Variants in ADAMTSL1 observed in about 807,000 individuals in gnomAD.
ADAMTSL1 encodes the protein ADAMTS-like protein 1.
ADAMTSL1 carries 126 observed loss-of-function variants against 201.8 expected under a neutral mutation model. The observed-to-expected ratio is 0.62, with a 90% CI of 0.54 to 0.72. ADAMTSL1 has a LOEUF of 0.72. ADAMTSL1 is among the 30% of genes least tolerant of loss of function. The pLI is 0.00. For missense variants in ADAMTSL1, 2,679 were observed against 2,277.8 expected (o/e 1.18, Z -3.59); for synonymous variants, 1,121 against 903.4 (o/e 1.24, Z -4.32).
intron 4 of ADAMTSL1, among the ~76,000 whole-genome samples, chr9:18,619,358 T>C (rs1825885126): frequency 6.6e-6 from 1 of 152,058 alleles, no homozygotes; most frequent in Admixed American, 6.6e-5. Flanking sequence ...TTAAAAATAA[T>C]TGAGTTAGAA....
intron 4 of ADAMTSL1, among the ~76,000 whole-genome samples, chr9:18,613,550 A>G (rs563116535): frequency 6.6e-6 from 1 of 152,322 alleles, no homozygotes; most frequent in Admixed American, 6.5e-5. Context: ...GAATGAGATT[A>G]TGTCCTTTGC....
chr9:18,061,123 G>T (rs1286360357), intron 1 of ADAMTSL1, among the ~76,000 whole-genome samples: 1 of 152,050 alleles, frequency 6.6e-6, no homozygotes, highest in African/African-American at 2.4e-5. Context: ...CTCAAGGCAG[G>T]GGTTGGAGGG....
intron 2 of ADAMTSL1, among the ~76,000 whole-genome samples, chr9:18,280,924 G>A (rs1832763742): frequency 7.2e-6 from 1 of 139,264 alleles, no homozygotes; most frequent in East Asian, 2.1e-4. Flanking sequence ...CACCCAGACT[G>A]AAGTGCGGTG....
chr9:18,033,777 C>T (rs12004496), intron 1 of ADAMTSL1, among the ~76,000 whole-genome samples: 2,822 of 152,306 alleles, frequency 0.019, 101 homozygotes, highest in African/African-American at 0.065. Flanking sequence ...CTGTTTGCAG[C>T]CCTTGAGTAT....
rs371214989 is a variant in ADAMTSL1, at chr9:18,025,456, T to G, written c.87+118534T>G. On this transcript the variant is annotated intron_variant, in intron 1 of 29. Transcript: ENST00000680146. Reference sequence around the variant, plus strand: ...ATATGGTGATAGGTAGGGGTTCAGTTTTATTCTTCTGTGTATGGTTAGCCA... The same window carrying G: ...ATATGGTGATAGGTAGGGGTTCAGTGTTATTCTTCTGTGTATGGTTAGCCA... Among the ~76,000 whole-genome samples, 5 of 152,126 alleles carry G rather than the reference T, an allele frequency of 3.3e-5. No individual in the cohort carries two copies. In the East Asian group the frequency reaches 5.8e-4, roughly 18 times the overall value.
chr9:18,293,061 T>A (rs1833335771), intron 2 of ADAMTSL1, among the ~76,000 whole-genome samples: 1 of 152,194 alleles, frequency 6.6e-6, no homozygotes, highest in Non-Finnish European at 1.5e-5. Flanking sequence ...GTATAATTAG[T>A]ACTTTGAGGG....
chr9:18,515,733 A>T (rs1818328423), intron 2 of ADAMTSL1, among the ~76,000 whole-genome samples: 1 of 152,186 alleles, frequency 6.6e-6, no homozygotes, highest in South Asian at 2.1e-4. Context: ...GTCAAGATGT[A>T]AGAGTGGGGA....
intron 23 of ADAMTSL1, among the ~76,000 whole-genome samples, chr9:18,855,691 C>A (rs1386804200): frequency 6.6e-6 from 1 of 152,096 alleles, no homozygotes; most frequent in Non-Finnish European, 1.5e-5. Context: ...TGTGAAAATC[C>A]ATTATGATTA....
intron 2 of ADAMTSL1, among the ~76,000 whole-genome samples, chr9:18,341,371 C>G (rs1286235026): frequency 6.6e-6 from 1 of 152,088 alleles, no homozygotes; most frequent in East Asian, 1.9e-4. Context: ...TCATTATACC[C>G]TTTATCTTCC....
chr9:18,255,499 T>C (rs989026721), intron 2 of ADAMTSL1, among the ~76,000 whole-genome samples: 7 of 152,218 alleles, frequency 4.6e-5, no homozygotes, highest in African/African-American at 1.7e-4. Context: ...TTATGTTAAC[T>C]TCTAGAAAAG....
intron 15 of ADAMTSL1, among the ~76,000 whole-genome samples, chr9:18,727,485 T>G (rs1446149659): frequency 6.6e-6 from 1 of 152,236 alleles, no homozygotes; most frequent in Non-Finnish European, 1.5e-5. Context: ...TCTCTCTGTT[T>G]TCTTCCATTG....
chr9:18,485,598 C>T (rs1375910800), intron 1 of ADAMTSL1, among the ~76,000 whole-genome samples: 1 of 152,176 alleles, frequency 6.6e-6, no homozygotes, highest in East Asian at 1.9e-4. Flanking sequence ...GTCCCAGGCA[C>T]TGTCCTAGTA....
At chr9:18,329,691 A>G (rs1164401230) in intron 2 of ADAMTSL1, among the ~76,000 whole-genome samples, 1 of 152,232 alleles carries the variant, frequency 6.6e-6, no homozygotes, top group African/African-American at 2.4e-5. Flanking sequence ...ATGTATCCCA[A>G]GTGCTGCGGC....
At chr9:18,291,312 CAG>C (rs1833252304) in intron 2 of ADAMTSL1, among the ~76,000 whole-genome samples, 1 of 152,116 alleles carries the variant, frequency 6.6e-6, no homozygotes, top group Non-Finnish European at 1.5e-5. Flanking sequence ...ATGAATAAGT[CAG>C]AACGCTTCAA....
chr9:18,891,780 G>T (rs1262192615), intron 25 of ADAMTSL1, among the ~76,000 whole-genome samples: 1 of 152,190 alleles, frequency 6.6e-6, no homozygotes, highest in Non-Finnish European at 1.5e-5. Context: ...TACTTTCCAG[G>T]TCAGGAGGTG....
intron 23 of ADAMTSL1, among the ~76,000 whole-genome samples, chr9:18,872,589 T>C (rs1563876607): frequency 6.6e-6 from 1 of 152,222 alleles, no homozygotes; most frequent in South Asian, 2.1e-4. Flanking sequence ...ATAAAATGTT[T>C]GGTTTTTGCA....
intron 1 of ADAMTSL1, among the ~76,000 whole-genome samples, chr9:18,008,516 A>AT (rs1374454224): frequency 6.6e-6 from 1 of 151,918 alleles, no homozygotes; most frequent in Non-Finnish European, 1.5e-5. Flanking sequence ...GGTATCAACA[A>AT]TCCCAAATAT....
chr9:18,770,396 G>C (rs1820620537), intron 16 of ADAMTSL1, among the ~76,000 whole-genome samples: 1 of 152,144 alleles, frequency 6.6e-6, no homozygotes, highest in African/African-American at 2.4e-5. Context: ...TTAAATACCT[G>C]GGATTAAGAG....
At chr9:18,143,761 A>G (rs1221173844) in intron 1 of ADAMTSL1, among the ~76,000 whole-genome samples, 1 of 152,184 alleles carries the variant, frequency 6.6e-6, no homozygotes, top group Non-Finnish European at 1.5e-5. Context: ...TGGAGCTTAA[A>G]TAATTCTTTC....
Sources: allele counts gnomAD v4.1 joint callset (sites outside exome capture counted in the v4.1 genomes callset), GRCh38; gene constraint gnomAD v4.1.1; transcripts MANE v1.5; gene names NCBI Gene and HGNC (gene_info 2026-07-23, HGNC 2026-07-21).